Variants in VPS37C observed in about 807,000 individuals in gnomAD.
VPS37C encodes the protein vacuolar protein sorting-associated protein 37C.
Under a neutral mutation model 16.1 loss-of-function variants are expected in VPS37C, and 9 were observed. The observed-to-expected ratio is 0.56, with a 90% CI of 0.34 to 0.97. VPS37C has a LOEUF of 0.97. Ranked by LOEUF, VPS37C falls within the 50% of genes least tolerant of loss-of-function variation. The pLI is 0.02. For synonymous variants in VPS37C, 207 were observed against 206.4 expected (o/e 1.00, Z -0.02); for missense variants, 479 against 472.7 (o/e 1.01, Z -0.12).
chr11:61,155,353 C>G (rs1471154042), intron 1 of VPS37C, among the ~76,000 whole-genome samples: 1 of 150,850 alleles, frequency 6.6e-6, no homozygotes, highest in African/African-American at 2.4e-5. Context: ...AAAACAACTA[C>G]CCAGGCATGG....
At chr11:61,157,549 T>C (rs1853397399) in intron 1 of VPS37C, among the ~76,000 whole-genome samples, 1 of 152,258 alleles carries the variant, frequency 6.6e-6, no homozygotes, top group African/African-American at 2.4e-5. Context: ...TTTGAAGAAA[T>C]ATCTATTCAA....
intron 1 of VPS37C, among the ~76,000 whole-genome samples, chr11:61,156,907 G>A (rs553840261): frequency 3.3e-5 from 5 of 152,150 alleles, no homozygotes; most frequent in East Asian, 1.9e-4. Context: ...CTTTTCTCCC[G>A]TCTTCTGGCA....
intron 1 of VPS37C, among the ~76,000 whole-genome samples, chr11:61,160,333 G>C (rs901630440): frequency 1.3e-5 from 2 of 152,258 alleles, no homozygotes; most frequent in South Asian, 4.2e-4. Flanking sequence ...GGTGTCTGCA[G>C]GGTTGCAGCT....
At chr11:61,156,605 A>C (rs1375308020) in intron 1 of VPS37C, among the ~76,000 whole-genome samples, 3 of 152,124 alleles carry the variant, frequency 2.0e-5, no homozygotes, top group East Asian at 1.9e-4. Context: ...AAAAACAAAA[A>C]CACCACCCAT....
At chr11:61,142,975 T>TAAAAAAAAAAAAAAAAAAAAAAAAA in intron 1 of VPS37C, among the ~76,000 whole-genome samples, 8 of 47,572 alleles carry the variant, frequency 1.7e-4, no homozygotes, top group African/African-American at 2.2e-4. Flanking sequence ...AAAGAATAGC[T>TAAAAAAAAAAAAAAAAAAAAAAAAA]AAAAAAAAAA....
chr11:61,154,260 A>C (rs1382511549), intron 1 of VPS37C, among the ~76,000 whole-genome samples: 1 of 152,232 alleles, frequency 6.6e-6, no homozygotes, highest in Non-Finnish European at 1.5e-5. Flanking sequence ...AAACAGACCC[A>C]AAAAATACAC....
chr11:61,158,790 T>G (rs1853419282), intron 1 of VPS37C, among the ~76,000 whole-genome samples: 1 of 152,238 alleles, frequency 6.6e-6, no homozygotes, highest in Non-Finnish European at 1.5e-5. Context: ...TGTTTGATAT[T>G]TGCTTAAGTC....
At chr11:61,145,974 G>C (rs751779537) in intron 1 of VPS37C, among the ~76,000 whole-genome samples, 1 of 152,206 alleles carries the variant, frequency 6.6e-6, no homozygotes, top group Non-Finnish European at 1.5e-5. Flanking sequence ...GCACGAGTAG[G>C]GAGTTGTTGA....
intron 1 of VPS37C, among the ~76,000 whole-genome samples, chr11:61,141,685 G>A (rs1013395423): frequency 7.2e-5 from 11 of 152,326 alleles, no homozygotes; most frequent in Admixed American, 1.3e-4. Context: ...GGGCGGGTGC[G>A]AGGTCCAATG....
chr11:61,160,441 A>G (rs761730281), intron 1 of VPS37C, among the ~76,000 whole-genome samples: 18 of 152,326 alleles, frequency 1.2e-4, no homozygotes, highest in Admixed American at 3.9e-4. Flanking sequence ...GTCTGGTGGC[A>G]GCATCTTGGT....
intron 1 of VPS37C, among the ~76,000 whole-genome samples, chr11:61,160,232 G>A (rs1255832476): frequency 1.3e-5 from 2 of 152,136 alleles, no homozygotes; most frequent in African/African-American, 4.8e-5. Context: ...GGCTTTTCTG[G>A]GCACTATGAC....
chr11:61,141,710 G>C (rs999213180), intron 1 of VPS37C, among the ~76,000 whole-genome samples: 11 of 152,196 alleles, frequency 7.2e-5, no homozygotes, highest in Non-Finnish European at 1.3e-4. Context: ...AGCACAGGCG[G>C]TGCTGGCTCG....
chr11:61,150,218 CCT>C (rs750507454), intron 1 of VPS37C, among the ~76,000 whole-genome samples: 45 of 152,200 alleles, frequency 3.0e-4, no homozygotes, highest in African/African-American at 8.4e-4. Flanking sequence ...CCCCCCCACC[CCT>C]GATGTCCAAT....
intron 1 of VPS37C, among the ~76,000 whole-genome samples, chr11:61,159,284 T>C (rs1853425800): frequency 1.3e-5 from 2 of 152,240 alleles, no homozygotes; most frequent in Admixed American, 1.3e-4. Context: ...TTCCCAAACT[T>C]GCCTTACCGT....
chr11:61,142,878 G>A (rs375529571), intron 1 of VPS37C, among the ~76,000 whole-genome samples: 2 of 142,902 alleles, frequency 1.4e-5, no homozygotes, highest in Non-Finnish European at 3.0e-5. Flanking sequence ...TGGGTGCAGC[G>A]CACCAGCATG....
intron 1 of VPS37C, among the ~76,000 whole-genome samples, chr11:61,141,472 G>C (rs1861471693): frequency 1.3e-5 from 2 of 152,112 alleles, no homozygotes; most frequent in African/African-American, 4.8e-5. Flanking sequence ...AGGAACACTG[G>C]CAGCACACCC....
At chr11:61,133,773 G>T (rs1472767861) in intron 3 of VPS37C, among the ~76,000 whole-genome samples, 3 of 152,138 alleles carry the variant, frequency 2.0e-5, no homozygotes, top group Non-Finnish European at 2.9e-5. Flanking sequence ...AGCTGCCAAG[G>T]GTAACGGCAG....
At position 61,132,521 on chromosome 11, in the gene VPS37C, G is replaced by T; in HGVS notation, c.367C>A (p.Leu123Met). Residue 123 changes from leucine to methionine, a missense_variant, in exon 5 of 5, where the codon CTG becomes ATG. By Grantham distance (15) the Leu-to-Met change is conservative (BLOSUM62 2). Transcript: ENST00000301765. ...GTTTCCAGGGGCACCTCGCCCTCCA[G>T]GAACTTCTCAGCCATGGCCTGGAAG... ...EESEAMAEKF[L>M]EGEVPLETFL... 1 of 1,603,696 alleles carries T rather than the reference G, an allele frequency of 6.2e-7. No individual in the cohort carries two copies. The highest frequency in any genetic ancestry group is 8.5e-7 in the Non-Finnish European group (1 of 1,174,488).
chr11:61,160,704 T>C (rs1565198478), intron 1 of VPS37C, among the ~76,000 whole-genome samples: 1 of 152,178 alleles, frequency 6.6e-6, no homozygotes, highest in Non-Finnish European at 1.5e-5. Flanking sequence ...AGTTAACTCC[T>C]TCTCCCATCC....
Sources: gnomAD v4.1 joint callset for allele counts (sites outside exome capture counted in the v4.1 genomes callset) on GRCh38, gnomAD v4.1.1 for gene constraint, MANE v1.5 for transcripts, NCBI Gene and HGNC (gene_info 2026-07-23, HGNC 2026-07-21) for gene names.